Variants in PHLDB1 observed in about 807,000 individuals in gnomAD.
PHLDB1 encodes the protein pleckstrin homology-like domain family B member 1.
In PHLDB1, 65 loss-of-function variants were observed where a neutral mutation model predicts 139.3. The observed-to-expected ratio is 0.47, with a 90% CI of 0.38 to 0.57. The LOEUF is 0.57. Ranked by LOEUF, PHLDB1 falls within the 20% of genes least tolerant of loss-of-function variation. PHLDB1 has a pLI of 0.00. For synonymous variants in PHLDB1, 679 were observed against 734.5 expected (o/e 0.92, Z 1.22); for missense variants, 1,624 against 1,839.7 (o/e 0.88, Z 2.14).
At chr11:118,626,191 C>T (rs782468563) in intron 5 of PHLDB1, among the ~76,000 whole-genome samples, 8 of 151,982 alleles carry the variant, frequency 5.3e-5, no homozygotes, top group Admixed American at 1.3e-4. Flanking sequence ...TCTGATTGGA[C>T]GAAGTGGTGC....
intron 10 of PHLDB1, 131 bp downstream of exon 10, chr11:118,635,679 A>G (rs781998268): frequency 1.4e-4 from 119 of 826,858 alleles, no homozygotes; most frequent in Non-Finnish European, 2.1e-4. Flanking sequence ...GAGAATTACA[A>G]CAGGTTGTTG....
chr11:118,607,103 C>T (rs1051580265), upstream of PHLDB1, among the ~76,000 whole-genome samples: 1 of 151,678 alleles, frequency 6.6e-6, no homozygotes, highest in Non-Finnish European at 1.5e-5. Flanking sequence ...TGGGTACCCT[C>T]AGTAGATGTT....
Position 118,645,382 on chromosome 11 carries a change from C to T in PHLDB1, c.3148C>T (p.Arg1050Trp), listed in dbSNP as rs200985221. ...KGQQVIEEQR[R>W]RLAELKQKAA... ...ACAACAAGTGATTGAAGAGCAGCGG[C>T]GGCGACTGGCTGAGCTGAAGCAGAA... The change falls in exon 16 of 23, where the codon CGG (arginine) becomes TGG (tryptophan). Residue 1050 changes from arginine (R) to tryptophan (W), a missense_variant. Transcript: ENST00000600882. This position sits in a 1 kb window ranked among gnomAD's most constrained non-coding sequence, Gnocchi z 5.1. 4.2e-5 allele frequency: 64 copies of T among 1,520,244 alleles called. No individual in the cohort carries two copies. Among genetic ancestry groups the T allele is most frequent in the Non-Finnish European group, 5.3e-5 (60 of 1,134,110 alleles). 94.2% of individuals were successfully genotyped at this position (1,520,244 alleles called of 1,614,324 possible). A position where few individuals can be genotyped will look rare whatever the true frequency, so the allele number is the denominator to read the frequency against.
At chr11:118,635,288 T>G in intron 9 of PHLDB1, 105 bp from the exon 10 acceptor site, 6 of 1,341,160 alleles carry the variant, frequency 4.5e-6, no homozygotes, top group Non-Finnish European at 6.1e-6. Flanking sequence ...TTACCCAATT[T>G]CCCCGGGTCC....
chr11:118,613,580 T>C (rs1940941849), intron 1 of PHLDB1: 1 of 693,544 alleles, frequency 1.4e-6, no homozygotes, highest in Non-Finnish European at 2.1e-6. Flanking sequence ...CTGTTTGTGC[T>C]TACAGTGGCA....
At chr11:118,625,474 A>G (rs1555100350) in intron 5 of PHLDB1, among the ~76,000 whole-genome samples, 1 of 151,484 alleles carries the variant, frequency 6.6e-6, no homozygotes, top group African/African-American at 2.4e-5. Flanking sequence ...CCCAACCCTC[A>G]CTCCATGCCC....
intron 12 of PHLDB1, chr11:118,640,204 AT>A (rs1555119110): frequency 6.5e-6 from 1 of 153,366 alleles, no homozygotes; most frequent in Non-Finnish European, 1.4e-5. Flanking sequence ...TGAATTGCAT[AT>A]TTATTTGCCA....
Position 118,657,155 on chromosome 11 carries a change from A to C in PHLDB1, c.*332A>C. The C allele has an allele frequency of 5.2e-6, 1 of 194,074 alleles. No individual in the cohort carries two copies. 12.0% of individuals were successfully genotyped at this position (194,074 alleles called of 1,614,324 possible). On this transcript the variant is annotated 3_prime_UTR_variant, in exon 23 of 23. Transcript: ENST00000600882. ...TGCCAAAGATCCCCTCCTGCCTCAG[A>C]CCCCTTTGCCAGGGGCTTTGGGGGC... is the stretch of plus-strand genomic sequence containing the variant.
rs782491677 is a variant in PHLDB1 at position 118,623,460 on chromosome 11, C to G, written c.356-1474C>G. Reference sequence around the variant, plus strand: ...TTTTCCAGCTCCCACATGCCCTCCCCCTCCAGGTACTCACACTTCCCGGGC... The same window carrying G: ...TTTTCCAGCTCCCACATGCCCTCCCGCTCCAGGTACTCACACTTCCCGGGC... On this transcript the variant is annotated intron_variant, in intron 4 of 22. Coordinates refer to ENST00000600882, the MANE Select transcript of PHLDB1 (RefSeq NM_001144758.3). Among the ~76,000 whole-genome samples, 4 of 152,294 alleles carry G rather than the reference C, an allele frequency of 2.6e-5. No homozygotes were observed. The East Asian group carries it at 7.7e-4, about 29-fold the overall frequency.
At chr11:118,626,540 C>T (rs1943903647) in intron 5 of PHLDB1, among the ~76,000 whole-genome samples, 1 of 152,100 alleles carries the variant, frequency 6.6e-6, no homozygotes, top group Admixed American at 6.6e-5. Context: ...CATGCCACCA[C>T]ACCCGGCTAA....
intron 4 of PHLDB1, among the ~76,000 whole-genome samples, chr11:118,621,786 T>G (rs1942867035): frequency 6.6e-6 from 1 of 152,054 alleles, no homozygotes; most frequent in Non-Finnish European, 1.5e-5. Context: ...GGCAGTCCCC[T>G]CCTTAGGACC....
In PHLDB1 at chr11:118,643,474, G is replaced by C. The variant is rs1267907345; in HGVS notation, c.2878-326G>C. On this transcript the variant is annotated intron_variant, in intron 13 of 22. Transcript: ENST00000600882. Reference sequence around the variant, plus strand: ...ACACAGCCTGTTAGTGGCAGAGCTAGGACCAGAGGGAACCCAGCTTCTAGT... The same window carrying C: ...ACACAGCCTGTTAGTGGCAGAGCTACGACCAGAGGGAACCCAGCTTCTAGT... The C allele has an allele frequency of 9.1e-5, 89 of 983,296 alleles. 1 individual carries two copies. In the Admixed American group the frequency reaches 5.5e-3, roughly 60 times the overall value. The allele number at this position is 983,296 out of a possible 1,614,324, so 60.9% of individuals were successfully genotyped here.
rs1939896623 is a variant in PHLDB1, at chr11:118,610,240, C to T, written c.-22+2541C>T. ...TTCCCCTTCACATCCCGGTGGCTCCCCTTCCCCGCCCCGTCCCTCTGCACA... is the reference window on the plus strand; with the variant it reads ...TTCCCCTTCACATCCCGGTGGCTCCTCTTCCCCGCCCCGTCCCTCTGCACA... On this transcript the variant is annotated intron_variant, in intron 1 of 22. Transcript: ENST00000600882. The surrounding 1 kb of genome is among the most constrained non-coding windows in gnomAD (Gnocchi z 8.7). 6.6e-6 allele frequency among the ~76,000 whole-genome samples: 1 copy of T among 152,060 alleles called. No individual in the cohort carries two copies. Among genetic ancestry groups the T allele is most frequent in the African/African-American group, 2.4e-5 (1 of 41,398 alleles).
At position 118,613,879 on chromosome 11, in the gene PHLDB1, AC is replaced by A; in HGVS notation, c.46del (p.Gln16ArgfsTer11). The A allele has an allele frequency of 6.2e-7, 1 of 1,609,758 alleles. No homozygotes were observed. The highest frequency in any genetic ancestry group is 1.1e-5 in the South Asian group (1 of 90,804). On this transcript the variant is annotated frameshift_variant, in exon 2 of 23. Transcript: ENST00000600882. LOFTEE classifies it high-confidence loss of function. ...NRNQIGPGCQ[T>X]QTMVQKGPLD... is the part of the protein sequence containing the mutation. ...GAACCAAATAGGCCCTGGATGCCAGACCCAGACCATGGTGCAGGTGAGTGGG... is the reference window on the plus strand; with the variant it reads ...GAACCAAATAGGCCCTGGATGCCAGACCAGACCATGGTGCAGGTGAGTGGG...
chr11:118,630,014 G>A (rs1310255733), intron 6 of PHLDB1: 18 of 1,284,638 alleles, frequency 1.4e-5, no homozygotes, highest in East Asian at 1.1e-4. Context: ...CCCAGGTGCC[G>A]AGGCTCTGTT....
chr11:118,609,750 GCGC>G (rs1939808078), intron 1 of PHLDB1, among the ~76,000 whole-genome samples: 1 of 152,220 alleles, frequency 6.6e-6, no homozygotes, highest in Non-Finnish European at 1.5e-5. Flanking sequence ...GCAGCGGCAG[GCGC>G]CCAACACTGC....
Position 118,645,671 on chromosome 11 carries a change from C to G in PHLDB1, c.3416+21C>G, listed in dbSNP as rs782793288. Reference sequence around the variant, plus strand: ...TCCAGGTACACCCGACGCCTGGGCCCGCAGCCTCCCTCAGCCACCGCCTCA... The same window carrying G: ...TCCAGGTACACCCGACGCCTGGGCCGGCAGCCTCCCTCAGCCACCGCCTCA... On this transcript the variant is annotated intron_variant, in intron 16 of 22. Coordinates refer to ENST00000600882, the MANE Select transcript of PHLDB1 (RefSeq NM_001144758.3). The surrounding 1 kb of genome is among the most constrained non-coding windows in gnomAD (Gnocchi z 5.1). 1 of 1,613,312 alleles carries G rather than the reference C, an allele frequency of 6.2e-7. No homozygotes were observed. Among genetic ancestry groups the G allele is most frequent in the East Asian group, 2.2e-5 (1 of 44,882 alleles).
chr11:118,631,405 T>G lies in PHLDB1; in HGVS notation c.2026T>G (p.Trp676Gly), dbSNP rs1944784387. The change falls in exon 7 of 23, where the codon TGG becomes GGG. Residue 676 changes from tryptophan (W) to glycine (G), a missense_variant. Trp to Gly is a radical substitution (Grantham distance 184). Transcript: ENST00000600882. ...GCCTGGCGTTGCCACCCAACGCCTA[T>G]GGGAGAGTATGGAGCGCTCAGATGA... ...EEPGVATQRL[W>G]ESMERSDEEN... is the part of the protein sequence containing the mutation. 4.0e-6 allele frequency: 6 copies of G among 1,488,606 alleles called. No individual in the cohort carries two copies. Among genetic ancestry groups the G allele is most frequent in the Admixed American group, 2.4e-5 (1 of 41,894 alleles). The allele number at this position is 1,488,606 out of a possible 1,614,324, so 92.2% of individuals were successfully genotyped here.
At position 118,648,037 on chromosome 11, in the gene PHLDB1, C is replaced by T. The variant is rs117947426; in HGVS notation, c.3615C>T (p.Val1205=). 9.2e-3 allele frequency: 14,832 copies of T among 1,613,168 alleles called. 106 individuals are homozygous for T. The highest frequency in any genetic ancestry group is 0.01 in the Non-Finnish European group (12,090 of 1,179,594). Residue 1205 remains valine (V), a synonymous_variant, in exon 18 of 23, where the codon GTC becomes GTT. Transcript: ENST00000600882. ...QSESARRQQL[V]EKEVKMREKQ... ...AGAGTGCCCGGAGGCAGCAGCTGGT[C>T]GAGAAGGAGGTCAAGATGCGGGAGA...
Sources: allele counts gnomAD v4.1 joint callset (sites outside exome capture counted in the v4.1 genomes callset), GRCh38; gene constraint gnomAD v4.1.1; non-coding constraint Gnocchi (gnomAD v3.1); transcripts MANE v1.5; gene names NCBI Gene and HGNC (gene_info 2026-07-23, HGNC 2026-07-21).